The following TAF1B variants were observed in gnomAD, a reference collection of about 807,000 sequenced individuals.
TAF1B encodes TATA-box binding protein associated factor, RNA polymerase I subunit B.
TAF1B carries 61 observed loss-of-function variants against 83.9 expected under a neutral mutation model. The ratio of observed to expected loss-of-function variants is 0.73; its 90% CI spans 0.59 to 0.90. The LOEUF (loss-of-function observed/expected upper bound fraction) is 0.90. Ranked by LOEUF, TAF1B falls within the 40% of genes least tolerant of loss-of-function variation. TAF1B has a pLI of 0.00. For missense variants in TAF1B, 625 were observed against 677.0 expected, an observed-to-expected ratio of 0.92 and a Z score of 0.85; for synonymous variants, 221 against 224.6, an observed-to-expected ratio of 0.98 and a Z score of 0.14.
chr2:9,921,688 T>C (rs979479111), intron 14 of TAF1B, among the ~76,000 whole-genome samples: 3 of 152,202 alleles, frequency 2.0e-5, no homozygotes, highest in Admixed American at 6.5e-5. Flanking sequence ...GGATTAAAAA[T>C]TACAGAGATA....
intron 14 of TAF1B, among the ~76,000 whole-genome samples, chr2:9,928,939 G>A (rs1054195343): frequency 6.6e-6 from 1 of 152,176 alleles, no homozygotes; most frequent in Non-Finnish European, 1.5e-5. Flanking sequence ...TCTTGTGCCA[G>A]TTTTCAAAGG....
chr2:9,881,211 G>A (rs751273813), intron 7 of TAF1B, among the ~76,000 whole-genome samples: 4 of 152,048 alleles, frequency 2.6e-5, no homozygotes, highest in Non-Finnish European at 5.9e-5. Flanking sequence ...GTGGGTGCCT[G>A]TAAGTAATTC....
At chr2:9,882,407 T>C (rs930272441) in intron 7 of TAF1B, among the ~76,000 whole-genome samples, 10 of 152,352 alleles carry the variant, frequency 6.6e-5, no homozygotes, top group South Asian at 4.1e-4. Flanking sequence ...GCAGTCTTAC[T>C]GCTGCTGCCT....
chr2:9,904,305 G>T (rs1310736741), intron 8 of TAF1B, among the ~76,000 whole-genome samples: 1 of 152,012 alleles, frequency 6.6e-6, no homozygotes, highest in Non-Finnish European at 1.5e-5. Context: ...TCCCTTCTTT[G>T]TGTGCCTGTG....
chr2:9,891,804 G>A (rs1361635271), intron 8 of TAF1B, among the ~76,000 whole-genome samples: 1 of 152,012 alleles, frequency 6.6e-6, no homozygotes, highest in Non-Finnish European at 1.5e-5. Context: ...TATGGAATAA[G>A]GATATAAAGA....
Position 9,933,773 on chromosome 2 carries a change from TCCC to T in TAF1B, c.1566-9_1566-7del. The T allele has an allele frequency of 6.3e-7, 1 of 1,595,538 alleles. No individual in the cohort carries two copies. Among genetic ancestry groups the T allele is most frequent in the Admixed American group, 1.8e-5 (1 of 55,898 alleles). On this transcript the variant is annotated splice_region_variant and splice_polypyrimidine_tract_variant and intron_variant, in intron 14 of 14. Transcript: ENST00000263663. Reference sequence around the variant, plus strand: ...CTAAAGATAAATTCTTTTTTCTTTTTCCCTTCTAGCTATTGTACACATGTGACA... The same window carrying T: ...CTAAAGATAAATTCTTTTTTCTTTTTTTCTAGCTATTGTACACATGTGACA...
Position 9,914,521 on chromosome 2 carries a change from C to T in TAF1B, c.1271+1272C>T, listed in dbSNP as rs1665622099. 6.6e-6 allele frequency among the ~76,000 whole-genome samples: 1 copy of T among 152,108 alleles called. No individual in the cohort carries two copies. The highest frequency in any genetic ancestry group is 2.4e-5 in the African/African-American group (1 of 41,414). The stretch of plus-strand genomic sequence containing the variant: ...CCTAGGGGCCATTCCTCCCTGGGGT[C>T]TCAGTGGTGACAGGGCTTTCCTTAC... On this transcript the variant is annotated intron_variant, in intron 12 of 14. Coordinates refer to ENST00000263663, the MANE Select transcript of TAF1B (RefSeq NM_005680.3). This position sits in a 1 kb window ranked among gnomAD's most constrained non-coding sequence, Gnocchi z 4.3.
intron 6 of TAF1B, among the ~76,000 whole-genome samples, chr2:9,875,527 A>T (rs1432471764): frequency 6.6e-6 from 1 of 152,198 alleles, no homozygotes; most frequent in Non-Finnish European, 1.5e-5. Flanking sequence ...CAATCACGGT[A>T]GAAGGTGAAG....
At chr2:9,873,253 TA>T (rs1369648563) in intron 6 of TAF1B, among the ~76,000 whole-genome samples, 1 of 152,150 alleles carries the variant, frequency 6.6e-6, no homozygotes, top group East Asian at 1.9e-4. Context: ...AGATAGGCAA[TA>T]AACGACCAAA....
At chr2:9,853,347 A>T (rs1318647971) in intron 4 of TAF1B, among the ~76,000 whole-genome samples, 1 of 152,252 alleles carries the variant, frequency 6.6e-6, no homozygotes, top group Non-Finnish European at 1.5e-5. Context: ...AATCTTGGAC[A>T]AGTTATTCAG....
chr2:9,862,696 A>T (rs1013032079), intron 5 of TAF1B, among the ~76,000 whole-genome samples: 2 of 152,220 alleles, frequency 1.3e-5, no homozygotes, highest in Non-Finnish European at 2.9e-5. Flanking sequence ...GCCAGAGAGA[A>T]AGGTCGGGTT....
At chr2:9,888,776 GTTTCTTCTGCTTGGTTTTT>G (rs1664761813) in intron 8 of TAF1B, among the ~76,000 whole-genome samples, 1 of 37,128 alleles carries the variant, frequency 2.7e-5, no homozygotes, top group Non-Finnish European at 5.0e-5. Context: ...TTTTCTTTAT[GTTTCTTCTGCTTGGTTTTT>G]TTTTTTTTTT....
intron 5 of TAF1B, among the ~76,000 whole-genome samples, chr2:9,862,251 G>A (rs1663795445): frequency 2.0e-5 from 3 of 152,134 alleles, no homozygotes; most frequent in Admixed American, 2.0e-4. Context: ...AGTCCTTAAA[G>A]GACCTGATGG....
chr2:9,873,460 A>G (rs1393699758), intron 6 of TAF1B, among the ~76,000 whole-genome samples: 1 of 152,076 alleles, frequency 6.6e-6, no homozygotes, highest in Non-Finnish European at 1.5e-5. Context: ...ACCAACCACC[A>G]ACTATATGCT....
intron 9 of TAF1B, 129 bp from the exon 10 acceptor site, chr2:9,910,607 A>G (rs1190121393): frequency 5.8e-6 from 4 of 686,886 alleles, no homozygotes; most frequent in African/African-American, 1.8e-5. Flanking sequence ...TTGATGTTTT[A>G]TTCACAAAAT....
chr2:9,874,027 C>G (rs868508438), intron 6 of TAF1B, among the ~76,000 whole-genome samples: 2 of 152,250 alleles, frequency 1.3e-5, no homozygotes, highest in South Asian at 2.1e-4. Flanking sequence ...CTACAAAATT[C>G]TACATAATGT....
chr2:9,922,456 A>G (rs561363567), intron 14 of TAF1B, among the ~76,000 whole-genome samples: 1 of 151,964 alleles, frequency 6.6e-6, no homozygotes, highest in South Asian at 2.1e-4. Context: ...TCTTTCCCCC[A>G]TGTATCCACA....
At position 9,910,919 on chromosome 2, in the gene TAF1B, T is replaced by C; in HGVS notation, c.1133+6T>C. On this transcript the variant is annotated splice_donor_region_variant and intron_variant, in intron 10 of 14. Transcript: ENST00000263663. ...TTGGATGACAGTTTCGAGTGGTAAG[T>C]GTACGTCAATTTTATGACAAGTAAC... 7 of 1,601,768 alleles carry C rather than the reference T, an allele frequency of 4.4e-6. No homozygotes were observed. The highest frequency in any genetic ancestry group is 6.0e-6 in the Non-Finnish European group (7 of 1,174,442).
chr2:9,905,103 C>A, intron 9 of TAF1B, 97 bp downstream of exon 9: 2 of 1,061,770 alleles, frequency 1.9e-6, no homozygotes, highest in South Asian at 1.8e-5. Context: ...TTAGAACCAC[C>A]TGAAAAGGTC....
Sources: allele counts gnomAD v4.1 joint callset (sites outside exome capture counted in the v4.1 genomes callset), GRCh38; gene constraint gnomAD v4.1.1; non-coding constraint Gnocchi (gnomAD v3.1); transcripts MANE v1.5; gene names NCBI Gene and HGNC (gene_info 2026-07-23, HGNC 2026-07-21).